The following KCNT2 variants were observed in gnomAD, a reference collection of about 807,000 sequenced individuals.
KCNT2 encodes potassium channel subfamily T member 2.
KCNT2 carries 67 observed loss-of-function variants against 153.8 expected under a neutral mutation model. The observed-to-expected ratio is 0.44, with a 90% CI of 0.36 to 0.53. The LOEUF is 0.53. Ranked by LOEUF, KCNT2 falls within the 20% of genes least tolerant of loss-of-function variation. The probability of loss-of-function intolerance (pLI) is 0.00; values close to 1 mark genes in which losing one functional copy is unlikely to be tolerated. For synonymous variants in KCNT2, 500 were observed against 458.8 expected (o/e 1.09, Z -1.15); for missense variants, 975 against 1,354.8 (o/e 0.72, Z 4.40).
At chr1:196,521,759 A>C (rs1301938739) in intron 1 of KCNT2, among the ~76,000 whole-genome samples, 1 of 152,142 alleles carries the variant, frequency 6.6e-6, no homozygotes, top group Non-Finnish European at 1.5e-5. Flanking sequence ...ACACATGGAC[A>C]CAAAGAGGGA....
chr1:196,256,697 G>C lies in KCNT2; in HGVS notation c.3211+1497C>G, dbSNP rs144191052. On this transcript the variant is annotated intron_variant, in intron 26 of 27. Coordinates refer to ENST00000294725, the MANE Select transcript of KCNT2 (RefSeq NM_198503.5). ...CCTCAAGTTTGACAGTTTCACAGGT[G>C]ATTATCATGGAAATATATATATATA... 4.8e-4 allele frequency among the ~76,000 whole-genome samples: 71 copies of C among 148,108 alleles called. 1 individual carries two copies. The East Asian group carries it at 0.013, about 26-fold the overall frequency.
rs541957384 is a variant in KCNT2 at position 196,592,739 on chromosome 1, A to G, written c.95+15476T>C. Among the ~76,000 whole-genome samples the G allele has an allele frequency of 3.6e-3, 528 of 147,534 alleles. 2 individuals are homozygous for G. Among genetic ancestry groups the G allele is most frequent in the African/African-American group, 0.012 (502 of 40,816 alleles). The stretch of plus-strand genomic sequence containing the variant: ...TAAATATATATATACATATATATAT[A>G]TAGTCAGAAAGAATGAATAAGACCT... On this transcript the variant is annotated intron_variant, in intron 1 of 27. Coordinates refer to ENST00000294725, the MANE Select transcript of KCNT2 (RefSeq NM_198503.5).
At chr1:196,260,772 G>T (rs1357193213) in intron 25 of KCNT2, among the ~76,000 whole-genome samples, 1 of 151,644 alleles carries the variant, frequency 6.6e-6, no homozygotes, top group Non-Finnish European at 1.5e-5. Flanking sequence ...GTTCTGTTTT[G>T]AATGTTTCCT....
At chr1:196,566,783 A>C (rs1225152341) in intron 1 of KCNT2, among the ~76,000 whole-genome samples, 2 of 152,152 alleles carry the variant, frequency 1.3e-5, no homozygotes, top group African/African-American at 2.4e-5. Flanking sequence ...TGAATGCCTT[A>C]TAAAGATGTC....
intron 5 of KCNT2, among the ~76,000 whole-genome samples, chr1:196,472,225 TC>T (rs1228307517): frequency 6.6e-6 from 1 of 152,228 alleles, no homozygotes; most frequent in Non-Finnish European, 1.5e-5. Context: ...TACACACTCT[TC>T]CCCTTCTGTG....
intron 16 of KCNT2, among the ~76,000 whole-genome samples, chr1:196,335,068 T>C (rs79958266): frequency 0.019 from 2,822 of 152,262 alleles, 41 homozygotes; most frequent in Middle Eastern, 0.034. Flanking sequence ...AATTTTAATA[T>C]CTATTTATGA....
chr1:196,235,842 ATTTG>A (rs1401336082), intron 27 of KCNT2, 140 bp downstream of exon 27: 8 of 516,582 alleles, frequency 1.5e-5, no homozygotes, highest in Admixed American at 3.2e-5. Flanking sequence ...CATGAAATGC[ATTTG>A]TTTATTTATA....
intron 1 of KCNT2, among the ~76,000 whole-genome samples, chr1:196,577,248 G>C (rs796918390): frequency 6.6e-6 from 1 of 151,910 alleles, no homozygotes; most frequent in African/African-American, 2.4e-5. Context: ...GACAACATAC[G>C]CACACACAAA....
rs748651733 is a variant in KCNT2 at position 196,482,386 on chromosome 1, AAAGAATAATAAT to A, written c.276-19_276-8del. The A allele has an allele frequency of 6.8e-7, 1 of 1,463,394 alleles. No individual in the cohort carries two copies. Among genetic ancestry groups the A allele is most frequent in the Non-Finnish European group, 9.3e-7 (1 of 1,079,242 alleles). 90.7% of individuals were successfully genotyped at this position (1,463,394 alleles called of 1,614,324 possible). ...CACCCAAAAGATATGAGACCTATAAAAAGAATAATAATAAGTTAGTTTTTTAAAATATGAAAA... is the reference window on the plus strand; with the variant it reads ...CACCCAAAAGATATGAGACCTATAAAAAGTTAGTTTTTTAAAATATGAAAA... On this transcript the variant is annotated splice_polypyrimidine_tract_variant and splice_region_variant and intron_variant, in intron 3 of 27. Transcript: ENST00000294725.
At chr1:196,397,991 C>T (rs1671091540) in intron 13 of KCNT2, among the ~76,000 whole-genome samples, 1 of 151,188 alleles carries the variant, frequency 6.6e-6, no homozygotes, top group Non-Finnish European at 1.5e-5. Flanking sequence ...TTTTGCTGTT[C>T]AATTTTCTAG....
intron 22 of KCNT2, among the ~76,000 whole-genome samples, chr1:196,286,345 T>C (rs1265762945): frequency 2.0e-5 from 3 of 152,092 alleles, no homozygotes; most frequent in Admixed American, 6.6e-5. Flanking sequence ...CCTTCTACCA[T>C]GTACCATCTA....
chr1:196,455,125 A>T (rs775448377), intron 8 of KCNT2, among the ~76,000 whole-genome samples: 3 of 151,788 alleles, frequency 2.0e-5, no homozygotes, highest in Non-Finnish European at 1.5e-5. Flanking sequence ...CTTCTGTCTC[A>T]TCTCTCCTTA....
chr1:196,460,524 G>A (rs1187575936), intron 8 of KCNT2, among the ~76,000 whole-genome samples: 2 of 151,632 alleles, frequency 1.3e-5, no homozygotes, highest in African/African-American at 4.8e-5. Context: ...GCATAAAATG[G>A]TAAGAAAGGC....
At chr1:196,546,916 A>G (rs553489553) in intron 1 of KCNT2, among the ~76,000 whole-genome samples, 1 of 152,196 alleles carries the variant, frequency 6.6e-6, no homozygotes, top group East Asian at 1.9e-4. Context: ...TAGAAAAAGA[A>G]TGTAATAAAT....
chr1:196,419,548 G>A (rs992124541), intron 12 of KCNT2, among the ~76,000 whole-genome samples: 1 of 151,552 alleles, frequency 6.6e-6, no homozygotes, highest in African/African-American at 2.4e-5. Flanking sequence ...ATTCCATGGT[G>A]TATATGTGCC....
intron 14 of KCNT2, among the ~76,000 whole-genome samples, chr1:196,369,209 G>A (rs1249786771): frequency 6.6e-6 from 1 of 152,060 alleles, no homozygotes. Flanking sequence ...TAATCAGGAT[G>A]GGCCAGTTGA....
chr1:196,361,909 G>C (rs1044584514), intron 14 of KCNT2, among the ~76,000 whole-genome samples: 5 of 69,932 alleles, frequency 7.1e-5, no homozygotes, highest in Admixed American at 6.1e-4. Context: ...GTGTTTGTGA[G>C]TGTGAGTGTG....
At chr1:196,288,922 G>T (rs1179309303) in intron 22 of KCNT2, among the ~76,000 whole-genome samples, 1 of 152,030 alleles carries the variant, frequency 6.6e-6, no homozygotes, top group Non-Finnish European at 1.5e-5. Flanking sequence ...TCAGTCAAGT[G>T]TTTCCGCTTA....
chr1:196,529,796 G>A (rs1033937413), intron 1 of KCNT2, among the ~76,000 whole-genome samples: 5 of 151,860 alleles, frequency 3.3e-5, no homozygotes, highest in African/African-American at 9.7e-5. Flanking sequence ...TATTCCTCTC[G>A]GCTTCTTTCT....
Sources: allele counts gnomAD v4.1 joint callset (sites outside exome capture counted in the v4.1 genomes callset), GRCh38; gene constraint gnomAD v4.1.1; transcripts MANE v1.5; gene names NCBI Gene and HGNC (gene_info 2026-07-23, HGNC 2026-07-21).